Variants in UIMC1 observed in about 807,000 individuals in gnomAD.
UIMC1 encodes BRCA1-A complex subunit RAP80.
In UIMC1, 42 loss-of-function variants were observed where a neutral mutation model predicts 84.9. The ratio of observed to expected loss-of-function variants is 0.49; its 90% CI spans 0.39 to 0.64. UIMC1 has a LOEUF of 0.64. Among genes scored for constraint, UIMC1 ranks in the 30% least tolerant of loss-of-function variants. The pLI is 0.00. For synonymous variants in UIMC1, 281 were observed against 293.0 expected (o/e 0.96, Z 0.42); for missense variants, 825 against 847.6 (o/e 0.97, Z 0.33).
chr5:177,003,894 T>C (rs1052420646), intron 1 of UIMC1, among the ~76,000 whole-genome samples: 53 of 152,192 alleles, frequency 3.5e-4, no homozygotes, highest in Non-Finnish European at 6.5e-4. Context: ...AGTGGCATGA[T>C]AATAGCTCAC....
At chr5:177,011,155 C>T (rs890643850), upstream of UIMC1, among the ~76,000 whole-genome samples, 4 of 150,552 alleles carry the variant, frequency 2.7e-5, no homozygotes, top group Non-Finnish European at 5.9e-5. Context: ...GGTTGTTCCA[C>T]TGCACTCCAG....
At chr5:176,914,892 T>G (rs1760768878) in intron 10 of UIMC1, among the ~76,000 whole-genome samples, 1 of 152,208 alleles carries the variant, frequency 6.6e-6, no homozygotes, top group South Asian at 2.1e-4. Context: ...AACCAGCCCA[T>G]ACTTCTCTAT....
rs572169247 is a variant in UIMC1, at chr5:176,953,717, T to C, written c.1340-2140A>G. Among the ~76,000 whole-genome samples the C allele has an allele frequency of 4.6e-5, 7 of 152,308 alleles. No homozygotes were observed. The South Asian group carries it at 1.5e-3, about 32-fold the overall frequency. ...CTGAAATGTCCAACTAAGAGGGCAT[T>C]AGCTTCTCAGAAAAAAGCAATGCTA... On this transcript the variant is annotated intron_variant, in intron 8 of 14. Coordinates refer to ENST00000511320, the MANE Select transcript of UIMC1 (RefSeq NM_001199298.2).
intron 1 of UIMC1, among the ~76,000 whole-genome samples, chr5:176,996,326 CT>C (rs1773608835): frequency 6.6e-6 from 1 of 152,100 alleles, no homozygotes; most frequent in African/African-American, 2.4e-5. Context: ...AGGAGGGTAA[CT>C]TTTGAGGTAA....
chr5:176,943,112 T>C (rs1414427295), intron 10 of UIMC1, among the ~76,000 whole-genome samples: 1 of 152,012 alleles, frequency 6.6e-6, no homozygotes, highest in Non-Finnish European at 1.5e-5. Flanking sequence ...GAAAGACTTT[T>C]CCCTTCCCCT....
chr5:176,926,647 A>G (rs1421867517), intron 10 of UIMC1, among the ~76,000 whole-genome samples: 1 of 151,934 alleles, frequency 6.6e-6, no homozygotes, highest in Non-Finnish European at 1.5e-5. Context: ...AAACAACAAC[A>G]ACAACAACAA....
At chr5:176,915,618 G>A (rs1760871620) in intron 10 of UIMC1, among the ~76,000 whole-genome samples, 1 of 151,480 alleles carries the variant, frequency 6.6e-6, no homozygotes, top group Admixed American at 6.6e-5. Flanking sequence ...ACCACACCTG[G>A]CTAATTTTTG....
intron 6 of UIMC1, among the ~76,000 whole-genome samples, chr5:176,968,102 G>T (rs1464850902): frequency 6.6e-6 from 1 of 151,994 alleles, no homozygotes. Context: ...GGCCAGGTGT[G>T]GTGGCTCACG....
intron 1 of UIMC1, among the ~76,000 whole-genome samples, chr5:177,005,649 T>A (rs182903022): frequency 6.6e-6 from 1 of 151,958 alleles, no homozygotes; most frequent in Admixed American, 6.6e-5. Context: ...GGGCTGAGAG[T>A]TGAAGCTGAA....
intron 10 of UIMC1, among the ~76,000 whole-genome samples, chr5:176,938,308 CAGT>C (rs1763967454): frequency 6.6e-6 from 1 of 151,468 alleles, no homozygotes; most frequent in African/African-American, 2.4e-5. Context: ...CCTCTGTCTC[CAGT>C]CATATAAAGC....
chr5:177,014,698 C>CAATAAATA (rs960633584), intron 1 of UIMC1, among the ~76,000 whole-genome samples: 3 of 151,628 alleles, frequency 2.0e-5, no homozygotes, highest in African/African-American at 7.3e-5. Flanking sequence ...AACTCCATCT[C>CAATAAATA]AATAAATAAA....
At chr5:176,911,421 A>G in intron 10 of UIMC1, 32 bp from the exon 11 acceptor site, 2 of 1,406,384 alleles carry the variant, frequency 1.4e-6, no homozygotes, top group South Asian at 1.7e-5. Context: ...ATATATACAC[A>G]TAGTTAGCTG....
intron 1 of UIMC1, among the ~76,000 whole-genome samples, chr5:177,016,193 C>T (rs752576530): frequency 2.6e-5 from 4 of 151,498 alleles, no homozygotes; most frequent in Non-Finnish European, 5.9e-5. Context: ...GGTGAAACCC[C>T]GTCTCTACTA....
At chr5:177,000,105 C>T (rs1323514208) in intron 1 of UIMC1, among the ~76,000 whole-genome samples, 1 of 151,968 alleles carries the variant, frequency 6.6e-6, no homozygotes, top group Non-Finnish European at 1.5e-5. Context: ...ATACAGGCGC[C>T]CGCCACCACA....
At chr5:176,950,448 T>A (rs1417781833) in intron 9 of UIMC1, among the ~76,000 whole-genome samples, 1 of 152,042 alleles carries the variant, frequency 6.6e-6, no homozygotes, top group Non-Finnish European at 1.5e-5. Flanking sequence ...TACACCAATG[T>A]AACCAAAATC....
intron 10 of UIMC1, among the ~76,000 whole-genome samples, chr5:176,917,698 G>A (rs1462213963): frequency 1.3e-5 from 2 of 152,202 alleles, no homozygotes. Flanking sequence ...GGTGGCTCAC[G>A]CCTATAATCC....
chr5:176,996,146 A>G (rs1244478866), intron 1 of UIMC1, among the ~76,000 whole-genome samples: 1 of 152,204 alleles, frequency 6.6e-6, no homozygotes, highest in Admixed American at 6.5e-5. Context: ...AACGACACAG[A>G]TGAATCTCAA....
intron 10 of UIMC1, among the ~76,000 whole-genome samples, chr5:176,933,255 A>G (rs1763333514): frequency 6.6e-6 from 1 of 152,238 alleles, no homozygotes; most frequent in Admixed American, 6.5e-5. Flanking sequence ...AACTTCAGAG[A>G]ATTCTTCTTC....
intron 10 of UIMC1, among the ~76,000 whole-genome samples, chr5:176,920,592 T>C (rs1761584101): frequency 6.6e-6 from 1 of 152,258 alleles, no homozygotes; most frequent in South Asian, 2.1e-4. Flanking sequence ...TGTTCACTGC[T>C]AGTGTACAAA....
Sources: allele counts gnomAD v4.1 joint callset (sites outside exome capture counted in the v4.1 genomes callset), GRCh38; gene constraint gnomAD v4.1.1; transcripts MANE v1.5; gene names NCBI Gene and HGNC (gene_info 2026-07-23, HGNC 2026-07-21).